Variants in PBRM1 observed in about 807,000 individuals in gnomAD.
PBRM1 encodes polybromo 1, also known as protein polybromo-1.
A neutral mutation model predicts 194.5 loss-of-function variants in PBRM1; 27 were observed. The ratio of observed to expected loss-of-function variants is 0.14; its 90% CI spans 0.10 to 0.19. PBRM1 has a LOEUF of 0.19. PBRM1 is among the 10% of genes least tolerant of loss of function. The pLI, the probability that PBRM1 is intolerant of heterozygous loss-of-function variation, is 1.00. For missense variants in PBRM1, 1,466 were observed against 2,077.2 expected (o/e 0.71, Z 5.72); for synonymous variants, 655 against 693.2 (o/e 0.94, Z 0.87).
chr3:52,631,561 C>A (rs1017708394), intron 11 of PBRM1, among the ~76,000 whole-genome samples: 3 of 152,056 alleles, frequency 2.0e-5, no homozygotes, highest in Non-Finnish European at 4.4e-5. Context: ...CAGGGTCTTA[C>A]TCTGTTACCC....
chr3:52,575,791 G>A (rs1269083114), intron 22 of PBRM1, among the ~76,000 whole-genome samples: 1 of 151,290 alleles, frequency 6.6e-6, no homozygotes, highest in Non-Finnish European at 1.5e-5. Flanking sequence ...TGGGATTACA[G>A]GCATGAGCCA....
At chr3:52,621,827 G>A (rs1200395792) in intron 13 of PBRM1, among the ~76,000 whole-genome samples, 1 of 152,196 alleles carries the variant, frequency 6.6e-6, no homozygotes, top group Non-Finnish European at 1.5e-5. Flanking sequence ...TGAAGTGGGA[G>A]GACTGCTTGA....
chr3:52,557,210 TC>T (rs1298392346), intron 26 of PBRM1, among the ~76,000 whole-genome samples: 3 of 152,210 alleles, frequency 2.0e-5, no homozygotes, highest in Non-Finnish European at 4.4e-5. Context: ...AAGCCATGAT[TC>T]AGATGTGCTT....
intron 7 of PBRM1, among the ~76,000 whole-genome samples, chr3:52,646,342 T>G (rs996870893): frequency 1.3e-5 from 2 of 152,214 alleles, no homozygotes; most frequent in South Asian, 2.1e-4. Flanking sequence ...ACACGATTAA[T>G]TCAATAAATT....
chr3:52,613,993 C>CAAAT (rs2094800905), intron 15 of PBRM1, among the ~76,000 whole-genome samples: 1 of 152,148 alleles, frequency 6.6e-6, no homozygotes, highest in South Asian at 2.1e-4. Context: ...CATGAAAAGA[C>CAAAT]AAATGCCTTA....
intron 17 of PBRM1, among the ~76,000 whole-genome samples, chr3:52,594,212 A>G (rs967614785): frequency 6.6e-6 from 1 of 152,110 alleles, no homozygotes; most frequent in Non-Finnish European, 1.5e-5. Flanking sequence ...TGGGAGTGTA[A>G]GCCTCTCTGA....
chr3:52,608,255 G>A (rs1309669740), intron 16 of PBRM1, among the ~76,000 whole-genome samples: 1 of 152,182 alleles, frequency 6.6e-6, no homozygotes, highest in East Asian at 1.9e-4. Flanking sequence ...CTGCAGTGGA[G>A]AGCAAGACAA....
chr3:52,575,048 T>C (rs147048986), intron 22 of PBRM1, among the ~76,000 whole-genome samples: 82 of 152,134 alleles, frequency 5.4e-4, no homozygotes, highest in South Asian at 1.2e-3. Context: ...ACCATGGATA[T>C]AGACCACCAC....
chr3:52,582,726 G>A (rs769821733), intron 20 of PBRM1, among the ~76,000 whole-genome samples: 9 of 151,938 alleles, frequency 5.9e-5, no homozygotes, highest in South Asian at 4.2e-4. Context: ...CCATGATGTC[G>A]CCTCTTACGT....
intron 22 of PBRM1, among the ~76,000 whole-genome samples, chr3:52,571,620 C>T (rs561843064): frequency 2.0e-4 from 20 of 102,478 alleles, no homozygotes; most frequent in African/African-American, 7.8e-4. Context: ...GAGCGAAACT[C>T]CATCTCAAAA....
chr3:52,655,423 A>C (rs2096590749), intron 5 of PBRM1, among the ~76,000 whole-genome samples: 1 of 152,142 alleles, frequency 6.6e-6, no homozygotes, highest in South Asian at 2.1e-4. Flanking sequence ...TTTTAACGCC[A>C]AATAATATGC....
intron 13 of PBRM1, among the ~76,000 whole-genome samples, chr3:52,625,281 T>G (rs577984231): frequency 6.0e-4 from 92 of 152,368 alleles, no homozygotes; most frequent in African/African-American, 2.0e-3. Flanking sequence ...TCTAGGCTAC[T>G]GTCTGCCTGA....
At chr3:52,669,846 G>C (rs1279602986) in intron 2 of PBRM1, among the ~76,000 whole-genome samples, 3 of 152,142 alleles carry the variant, frequency 2.0e-5, no homozygotes, top group African/African-American at 7.2e-5. Flanking sequence ...TCAAAACCAG[G>C]AAGTGAATGT....
At chr3:52,663,295 T>C (rs956039049) in intron 3 of PBRM1, among the ~76,000 whole-genome samples, 2 of 152,156 alleles carry the variant, frequency 1.3e-5, no homozygotes, top group African/African-American at 4.8e-5. Context: ...TACCAGAAGC[T>C]GGGAATCCAA....
At chr3:52,679,940 G>C (rs1489457065), upstream of PBRM1, among the ~76,000 whole-genome samples, 1 of 151,814 alleles carries the variant, frequency 6.6e-6, no homozygotes, top group Admixed American at 6.6e-5. Context: ...ATTTTGATGG[G>C]ACAAATTCAA....
At chr3:52,679,786 G>A, upstream of PBRM1, 1 of 1,333,898 alleles carries the variant, frequency 7.5e-7, no homozygotes, top group Non-Finnish European at 1.0e-6. Context: ...CAAGTCTTCA[G>A]CTGGACACCT....
upstream of PBRM1, chr3:52,681,798 A>C (rs2097208920): frequency 2.7e-6 from 2 of 752,468 alleles, no homozygotes; most frequent in Non-Finnish European, 3.3e-6. Flanking sequence ...AGAAGTGCTG[A>C]TTCAGTGTTA....
At position 52,633,259 on chromosome 3, in the gene PBRM1, C is replaced by A. The variant is rs551706121; in HGVS notation, c.1301+1343G>T. ...CTTCTGATTGCACAAATACTCATAT[C>A]AATAGAATCATTCAGTATTTGTATT... On this transcript the variant is annotated intron_variant, in intron 11 of 29. Transcript: ENST00000296302. Among the ~76,000 whole-genome samples the A allele has an allele frequency of 1.4e-4, 22 of 152,100 alleles. No individual in the cohort carries two copies. In the South Asian group the frequency reaches 2.1e-3, roughly 14 times the overall value.
intron 17 of PBRM1, among the ~76,000 whole-genome samples, chr3:52,597,049 G>A (rs1253765447): frequency 1.3e-5 from 2 of 152,118 alleles, no homozygotes; most frequent in Non-Finnish European, 2.9e-5. Flanking sequence ...CCTCTGATGA[G>A]GGCTGGCCTG....
Sources: allele counts gnomAD v4.1 joint callset (sites outside exome capture counted in the v4.1 genomes callset), GRCh38; gene constraint gnomAD v4.1.1; transcripts MANE v1.5; gene names NCBI Gene and HGNC (gene_info 2026-07-23, HGNC 2026-07-21).